Variants in MDFI observed in about 807,000 individuals in gnomAD.
MDFI encodes MyoD family inhibitor.
MDFI carries 16 observed loss-of-function variants against 22.3 expected under a neutral mutation model. The observed-to-expected ratio is 0.72, with a 90% CI of 0.49 to 1.09. MDFI has a LOEUF of 1.09. Ranked by LOEUF, MDFI falls within the 50% of genes least tolerant of loss-of-function variation. The pLI is 0.00. For synonymous variants in MDFI, 145 were observed against 142.7 expected (o/e 1.02, Z -0.12); for missense variants, 314 against 326.1 (o/e 0.96, Z 0.29).
upstream of MDFI, chr6:41,637,080 T>G (rs1305127064): frequency 2.6e-5 from 4 of 152,130 alleles, no homozygotes. The surrounding 1 kb of genome is among the most constrained non-coding windows in gnomAD (Gnocchi z 6.8). Context: ...CCTGGGGCAC[T>G]AGGACAGACC....
intron 2 of MDFI, among the ~76,000 whole-genome samples, chr6:41,643,578 G>GAAGGAAGGAAGGAAGGA (rs1308738369): frequency 7.8e-6 from 1 of 128,762 alleles, no homozygotes; most frequent in Non-Finnish European, 1.7e-5. Flanking sequence ...AGGAAGGAAG[G>GAAGGAAGGAAGGAAGGA]AGGGAGGGAG....
At position 41,653,543 on chromosome 6, in the gene MDFI, A is replaced by G; in HGVS notation, c.709A>G (p.Met237Val). The change falls in exon 5 of 5, where the codon ATG (methionine) becomes GTG (valine). Residue 237 changes from methionine (M) to valine (V), a missense_variant. Met to Val is a conservative substitution (Grantham distance 21). Coordinates refer to ENST00000230321, the MANE Select transcript of MDFI (RefSeq NM_005586.4). The surrounding 1 kb of genome is among the most constrained non-coding windows in gnomAD (Gnocchi z 4.2). The stretch of plus-strand genomic sequence containing the variant: ...GTCCGCGGACTGCCTGGAGATCTGC[A>G]TGGAGTGCTGTGGGCTCTGCTTCTC... ...CESADCLEIC[M>V]ECCGLCFSS is the part of the protein sequence containing the mutation. 6.2e-6 allele frequency: 10 copies of G among 1,600,964 alleles called. No homozygotes were observed. The highest frequency in any genetic ancestry group is 8.5e-6 in the Non-Finnish European group (10 of 1,179,930).
At chr6:41,643,417 G>A (rs1767921069) in intron 2 of MDFI, among the ~76,000 whole-genome samples, 1 of 152,000 alleles carries the variant, frequency 6.6e-6, no homozygotes, top group African/African-American at 2.4e-5. Context: ...TCCCCTAACC[G>A]AGAACTCCGA....
Position 41,653,177 on chromosome 6 carries a change from G to A in MDFI, c.485-142G>A, listed in dbSNP as rs935240743. On this transcript the variant is annotated intron_variant, in intron 4 of 4. Transcript: ENST00000230321. The surrounding 1 kb of genome is among the most constrained non-coding windows in gnomAD (Gnocchi z 4.2). ...ACCTAGAAAATGGAGCTGTGGGGAC[G>A]GATTCGTGAGCTTCAGGCACACAGT... 1.6e-5 allele frequency: 13 copies of A among 826,598 alleles called. No homozygotes were observed. Among genetic ancestry groups the A allele is most frequent in the East Asian group, 5.0e-5 (2 of 39,904 alleles). The allele number at this position is 826,598 out of a possible 1,614,324, so 51.2% of individuals were successfully genotyped here.
intron 3 of MDFI, among the ~76,000 whole-genome samples, chr6:41,649,057 C>T (rs761588069): frequency 1.3e-5 from 2 of 152,176 alleles, no homozygotes; most frequent in Non-Finnish European, 2.9e-5. Flanking sequence ...AGTGGAGGCA[C>T]CAGGTGGAAG....
At chr6:41,650,049 C>G (rs1275929712) in intron 4 of MDFI, 1 of 575,504 alleles carries the variant, frequency 1.7e-6, no homozygotes, top group Non-Finnish European at 3.0e-6. Flanking sequence ...AATCTTAGAA[C>G]CTTGCAAAGT....
chr6:41,638,419 G>A (rs937240893), upstream of MDFI: 6 of 357,248 alleles, frequency 1.7e-5, no homozygotes, highest in African/African-American at 1.1e-4. The surrounding 1 kb of genome is among the most constrained non-coding windows in gnomAD (Gnocchi z 7.6). Context: ...AAGAGGGGAG[G>A]GGAGAGGCGA....
chr6:41,639,094 AC>A, intron 2 of MDFI: 113 of 466,416 alleles, frequency 2.4e-4, no homozygotes, highest in Non-Finnish European at 2.8e-4. Flanking sequence ...ACACACACAC[AC>A]ACAAACACAC....
intron 4 of MDFI, chr6:41,650,076 G>C (rs754181680): frequency 4.0e-6 from 2 of 501,920 alleles, no homozygotes; most frequent in African/African-American, 2.0e-5. Context: ...GTTGGGTAAA[G>C]GTGTACCTGC....
chr6:41,647,887 C>CA (rs1768110532), intron 3 of MDFI, among the ~76,000 whole-genome samples: 1 of 151,592 alleles, frequency 6.6e-6, no homozygotes, highest in Non-Finnish European at 1.5e-5. Context: ...CTAAAAAATA[C>CA]AAAAAATTAG....
chr6:41,652,211 G>C (rs573103040), intron 4 of MDFI, among the ~76,000 whole-genome samples: 2 of 152,218 alleles, frequency 1.3e-5, no homozygotes, highest in Non-Finnish European at 1.5e-5. Context: ...AGCCAAGCAC[G>C]TGCCTGTGGC....
At chr6:41,639,541 C>T (rs925498798) in intron 2 of MDFI, 11 of 985,284 alleles carry the variant, frequency 1.1e-5, no homozygotes, top group Non-Finnish European at 1.3e-5. Context: ...GGGGCCTCGC[C>T]GGCCCTGGTT....
intron 2 of MDFI, among the ~76,000 whole-genome samples, chr6:41,645,603 C>G (rs1468860212): frequency 6.6e-6 from 1 of 152,158 alleles, no homozygotes; most frequent in Non-Finnish European, 1.5e-5. Flanking sequence ...CTCTATCTTT[C>G]TCTCCATTAC....
At chr6:41,640,572 G>A (rs1187814273) in intron 2 of MDFI, among the ~76,000 whole-genome samples, 2 of 152,332 alleles carry the variant, frequency 1.3e-5, no homozygotes, top group South Asian at 2.1e-4. Flanking sequence ...AACCGCAGGA[G>A]ACCCAGCCAA....
chr6:41,653,225 T>C lies in MDFI; in HGVS notation c.485-94T>C. ...AGTGAACACTCAGCGTCCCTGCTGCTGCCGCTGCCGCAGGCCCCCACACCC... is the reference window on the plus strand; with the variant it reads ...AGTGAACACTCAGCGTCCCTGCTGCCGCCGCTGCCGCAGGCCCCCACACCC... On this transcript the variant is annotated intron_variant, in intron 4 of 4. Transcript: ENST00000230321. This position sits in a 1 kb window ranked among gnomAD's most constrained non-coding sequence, Gnocchi z 4.2. 7.7e-7 allele frequency: 1 copy of C among 1,295,130 alleles called. No homozygotes were observed. Among genetic ancestry groups the C allele is most frequent in the Non-Finnish European group, 1.1e-6 (1 of 916,938 alleles). 80.2% of individuals were successfully genotyped at this position (1,295,130 alleles called of 1,614,324 possible).
chr6:41,639,799 C>T, intron 2 of MDFI: 1 of 985,468 alleles, frequency 1.0e-6, no homozygotes, highest in Non-Finnish European at 1.2e-6. Context: ...ACCTCTGACA[C>T]GAACTCCCTG....
In MDFI at chr6:41,653,819, A is replaced by ATGAAG; in HGVS notation, c.*244_*245insTGAAG. 1 of 581,760 alleles carries ATGAAG rather than the reference A, an allele frequency of 1.7e-6. No homozygotes were observed. 36.0% of individuals were successfully genotyped at this position (581,760 alleles called of 1,614,324 possible). ...AGAAGCCTGAACTCTTTACTGGGTTACCAGGTTCATACATTGCTGAGGACC... is the reference window on the plus strand; with the variant it reads ...AGAAGCCTGAACTCTTTACTGGGTTATGAAGCCAGGTTCATACATTGCTGAGGACC... On this transcript the variant is annotated 3_prime_UTR_variant, in exon 5 of 5. Coordinates refer to ENST00000230321, the MANE Select transcript of MDFI (RefSeq NM_005586.4). This position sits in a 1 kb window ranked among gnomAD's most constrained non-coding sequence, Gnocchi z 4.2.
At chr6:41,642,093 T>C (rs1213287597) in intron 2 of MDFI, among the ~76,000 whole-genome samples, 2 of 152,146 alleles carry the variant, frequency 1.3e-5, no homozygotes, top group African/African-American at 4.8e-5. Flanking sequence ...ATCTCCCCTT[T>C]GTAGATAGCC....
rs1276065929 is a variant in MDFI, at chr6:41,653,112, C to T, written c.485-207C>T. ...TAAGAGCAAGGATGATCCAGACTGCCCGCTCCGATGTGCTTAACTGTCTGT... is the reference window on the plus strand; with the variant it reads ...TAAGAGCAAGGATGATCCAGACTGCTCGCTCCGATGTGCTTAACTGTCTGT... On this transcript the variant is annotated intron_variant, in intron 4 of 4. Coordinates refer to ENST00000230321, the MANE Select transcript of MDFI (RefSeq NM_005586.4). The surrounding 1 kb of genome is among the most constrained non-coding windows in gnomAD (Gnocchi z 4.2). Among the ~76,000 whole-genome samples, 1 of 152,178 alleles carries T rather than the reference C, an allele frequency of 6.6e-6. No homozygotes were observed. Among genetic ancestry groups the T allele is most frequent in the African/African-American group, 2.4e-5 (1 of 41,430 alleles).
Sources: gnomAD v4.1 joint callset for allele counts (sites outside exome capture counted in the v4.1 genomes callset) on GRCh38, gnomAD v4.1.1 for gene constraint, Gnocchi (gnomAD v3.1) non-coding constraint, MANE v1.5 for transcripts, NCBI Gene and HGNC (gene_info 2026-07-23, HGNC 2026-07-21) for gene names.